ZNRF1: variants seen among roughly 807,000 people sequenced by gnomAD.
ZNRF1 encodes the protein E3 ubiquitin-protein ligase ZNRF1.
In ZNRF1, 3 loss-of-function variants were observed where a neutral mutation model predicts 18.4. The ratio of observed to expected loss-of-function variants is 0.16; its 90% CI spans 0.07 to 0.42. The LOEUF (loss-of-function observed/expected upper bound fraction) is 0.42, where lower values mean the gene tolerates loss of function less well. Among genes scored for constraint, ZNRF1 ranks in the 10% least tolerant of loss-of-function variants. ZNRF1 has a pLI of 0.99. For missense variants in ZNRF1, 310 were observed against 329.8 expected (o/e 0.94, Z 0.47); for synonymous variants, 157 against 144.2 (o/e 1.09, Z -0.64).
intron 2 of ZNRF1, among the ~76,000 whole-genome samples, chr16:75,098,448 G>A (rs1213038175): frequency 1.3e-5 from 2 of 152,240 alleles, no homozygotes. Context: ...GGGCTGGGCA[G>A]TTGGATGGGC....
chr16:75,074,494 C>G (rs974625327), intron 1 of ZNRF1, among the ~76,000 whole-genome samples: 4 of 152,168 alleles, frequency 2.6e-5, no homozygotes, highest in Non-Finnish European at 4.4e-5. Context: ...GAATTTTCTT[C>G]AAAATAATCT....
chr16:75,027,388 A>G (rs562518509), intron 1 of ZNRF1, among the ~76,000 whole-genome samples: 3 of 152,176 alleles, frequency 2.0e-5, no homozygotes, highest in African/African-American at 7.2e-5. Flanking sequence ...TTTTAGCCCT[A>G]TAGCTGGGCC....
chr16:75,063,237 C>T (rs2035764257), intron 1 of ZNRF1, among the ~76,000 whole-genome samples: 1 of 152,216 alleles, frequency 6.6e-6, no homozygotes, highest in African/African-American at 2.4e-5. Context: ...GCTGGGCGCT[C>T]ACAGCCGGAC....
chr16:75,011,593 C>A (rs778024618), intron 1 of ZNRF1, among the ~76,000 whole-genome samples: 28 of 152,176 alleles, frequency 1.8e-4, no homozygotes, highest in Non-Finnish European at 3.1e-4. Flanking sequence ...TACCCATGTA[C>A]ATCCTATATT....
Position 75,073,146 on chromosome 16 carries a change from C to CTCTGTCTCTCTG in ZNRF1, c.425-20423_425-20422insGTCTCTCTGTCT, listed in dbSNP as rs1555513184. Among the ~76,000 whole-genome samples, 51 of 128,662 alleles carry CTCTGTCTCTCTG rather than the reference C, an allele frequency of 4.0e-4. 1 individual carries two copies. Among genetic ancestry groups the CTCTGTCTCTCTG allele is most frequent in the Admixed American group, 7.3e-4 (9 of 12,350 alleles). The allele number at this position is 128,662 out of a possible 152,430, so 84.4% of individuals were successfully genotyped here. ...TCTCTCTCTCTCTCTCTCTCTCTCT[C>CTCTGTCTCTCTG]TCTCTCTGTCTCTCTGTCTATATAT... On this transcript the variant is annotated intron_variant, in intron 1 of 4. Transcript: ENST00000335325.
intron 1 of ZNRF1, among the ~76,000 whole-genome samples, chr16:75,074,617 G>A (rs566725430): frequency 1.1e-4 from 17 of 152,268 alleles, no homozygotes; most frequent in African/African-American, 4.1e-4. Context: ...AAGACGACAC[G>A]CTTGAACTGG....
chr16:74,999,582 C>G lies in ZNRF1; in HGVS notation c.-90C>G, dbSNP rs895082306. 4.9e-6 allele frequency: 5 copies of G among 1,021,652 alleles called. No homozygotes were observed. Among genetic ancestry groups the G allele is most frequent in the Middle Eastern group, 3.4e-4 (1 of 2,952 alleles). The allele number at this position is 1,021,652 out of a possible 1,614,324, so 63.3% of individuals were successfully genotyped here. A position where few individuals can be genotyped will look rare whatever the true frequency, so the allele number is the denominator to read the frequency against. On this transcript the variant is annotated 5_prime_UTR_variant, in exon 1 of 5. Coordinates refer to ENST00000335325, the MANE Select transcript of ZNRF1 (RefSeq NM_032268.5). The stretch of plus-strand genomic sequence containing the variant: ...GGGTCTCCTTTTTGACTCCCTCCCC[C>G]TTTATGCTCGCCCAGCCCTCCCCCT...
At chr16:75,059,410 G>A (rs1190803437) in intron 1 of ZNRF1, among the ~76,000 whole-genome samples, 1 of 151,558 alleles carries the variant, frequency 6.6e-6, no homozygotes, top group Non-Finnish European at 1.5e-5. Context: ...ACCACGCCTG[G>A]CTAAGTTTTG....
At chr16:75,029,900 A>G (rs76230542) in intron 1 of ZNRF1, among the ~76,000 whole-genome samples, 1 of 151,256 alleles carries the variant, frequency 6.6e-6, no homozygotes, top group African/African-American at 2.4e-5. Context: ...CCAGGTGAAG[A>G]AAAAAAAATT....
At chr16:75,009,762 C>CAGGCTT (rs1381401852) in intron 1 of ZNRF1, among the ~76,000 whole-genome samples, 2 of 151,614 alleles carry the variant, frequency 1.3e-5, no homozygotes. Context: ...CAACAGTGCA[C>CAGGCTT]AGGCTTCCAG....
At chr16:75,051,572 C>T (rs534133975) in intron 1 of ZNRF1, among the ~76,000 whole-genome samples, 76 of 151,216 alleles carry the variant, frequency 5.0e-4, no homozygotes, top group African/African-American at 1.9e-3. Context: ...GGCTAGAGTG[C>T]AGTGGCATGA....
intron 1 of ZNRF1, among the ~76,000 whole-genome samples, chr16:75,022,482 C>T (rs1004480226): frequency 2.0e-5 from 3 of 151,698 alleles, no homozygotes; most frequent in African/African-American, 4.8e-5. Flanking sequence ...AGGAGAATGG[C>T]GTGAACCCGG....
At chr16:75,039,212 G>A (rs912757751) in intron 1 of ZNRF1, among the ~76,000 whole-genome samples, 1 of 151,994 alleles carries the variant, frequency 6.6e-6, no homozygotes, top group Non-Finnish European at 1.5e-5. Context: ...AACTTGAAAA[G>A]TGGCCTAAAT....
Position 75,080,358 on chromosome 16 carries a change from A to G in ZNRF1, c.425-13214A>G, listed in dbSNP as rs558689681. Among the ~76,000 whole-genome samples the G allele has an allele frequency of 3.3e-5, 5 of 152,370 alleles. No individual in the cohort carries two copies. The South Asian group carries it at 1.0e-3, about 32-fold the overall frequency. ...TGGCATCAACTGATGTAAGTTATAC[A>G]GTGCAAGGCAAATGGTTTTATTCCA... On this transcript the variant is annotated intron_variant, in intron 1 of 4. Coordinates refer to ENST00000335325, the MANE Select transcript of ZNRF1 (RefSeq NM_032268.5).
At chr16:75,103,333 A>G (rs1242115837) in intron 2 of ZNRF1, among the ~76,000 whole-genome samples, 1 of 152,098 alleles carries the variant, frequency 6.6e-6, no homozygotes, top group African/African-American at 2.4e-5. Flanking sequence ...AAAATTAACC[A>G]TTTTTATATG....
chr16:75,093,675 C>T lies in ZNRF1; in HGVS notation c.520+8C>T, dbSNP rs757722825. 1.5e-4 allele frequency: 245 copies of T among 1,610,680 alleles called. No homozygotes were observed. Among genetic ancestry groups the T allele is most frequent in the Middle Eastern group, 6.6e-4 (4 of 6,070 alleles). On this transcript the variant is annotated splice_region_variant and intron_variant, in intron 2 of 4. Coordinates refer to ENST00000335325, the MANE Select transcript of ZNRF1 (RefSeq NM_032268.5). ...CTCGCCTCTCCTACAACGGTAAGGG[C>T]TTGGCCTGCCTCACCAGCCTCCAGA...
intron 1 of ZNRF1, among the ~76,000 whole-genome samples, chr16:75,010,711 G>GT (rs67210395): frequency 0.011 from 840 of 74,266 alleles, 63 homozygotes; most frequent in African/African-American, 0.03. Flanking sequence ...GTTTTTTTTT[G>GT]TTTTTTTGTT....
intron 1 of ZNRF1, among the ~76,000 whole-genome samples, chr16:75,080,305 A>G (rs1222905236): frequency 1.3e-5 from 2 of 152,126 alleles, no homozygotes; most frequent in Non-Finnish European, 2.9e-5. Flanking sequence ...CTTCTCACAG[A>G]CCTCCAGTGA....
intron 1 of ZNRF1, among the ~76,000 whole-genome samples, chr16:75,056,689 T>A (rs1473119994): frequency 6.6e-6 from 1 of 152,092 alleles, no homozygotes; most frequent in Non-Finnish European, 1.5e-5. Context: ...TGCAATGTCA[T>A]GATCTCAGCT....
Sources: allele counts gnomAD v4.1 joint callset (sites outside exome capture counted in the v4.1 genomes callset), GRCh38; gene constraint gnomAD v4.1.1; transcripts MANE v1.5; gene names NCBI Gene and HGNC (gene_info 2026-07-23, HGNC 2026-07-21).